CAMK1G: variants seen among roughly 807,000 people sequenced by gnomAD.
The protein encoded by CAMK1G is calcium/calmodulin dependent protein kinase IG.
CAMK1G carries 27 observed loss-of-function variants against 54.8 expected under a neutral mutation model. The ratio of observed to expected loss-of-function variants is 0.49; its 90% CI spans 0.36 to 0.68. The LOEUF (loss-of-function observed/expected upper bound fraction) is 0.68. Ranked by LOEUF, CAMK1G falls within the 30% of genes least tolerant of loss-of-function variation. The probability of loss-of-function intolerance (pLI) is 0.00; values close to 1 mark genes in which losing one functional copy is unlikely to be tolerated. For synonymous variants in CAMK1G, 238 were observed against 224.9 expected (o/e 1.06, Z -0.52); for missense variants, 512 against 591.0 (o/e 0.87, Z 1.39).
intron 1 of CAMK1G, among the ~76,000 whole-genome samples, chr1:209,592,593 C>T (rs1665284278): frequency 6.6e-6 from 1 of 152,182 alleles, no homozygotes; most frequent in Non-Finnish European, 1.5e-5. Context: ...TAAAGCCTCC[C>T]ACCAGCAGGG....
chr1:209,608,802 CA>C (rs1384583882), intron 7 of CAMK1G, among the ~76,000 whole-genome samples, 177 bp from the exon 8 acceptor site: 1 of 152,184 alleles, frequency 6.6e-6, no homozygotes, highest in Non-Finnish European at 1.5e-5. Context: ...CTTGCATAAA[CA>C]CTTTACGGGA....
At chr1:209,607,760 T>C in intron 6 of CAMK1G, 98 bp from the exon 7 acceptor site, 1 of 925,116 alleles carries the variant, frequency 1.1e-6, no homozygotes, top group South Asian at 1.6e-5. Flanking sequence ...CATCCCACAG[T>C]CTTCCCCAGA....
chr1:209,610,183 T>C (rs1217911300), intron 9 of CAMK1G, among the ~76,000 whole-genome samples: 2 of 152,132 alleles, frequency 1.3e-5, no homozygotes, highest in Admixed American at 6.6e-5. Flanking sequence ...AGCGCTGTCA[T>C]TCAGCACTGG....
chr1:209,611,411 T>C, intron 9 of CAMK1G, 54 bp from the exon 10 acceptor site: 1 of 1,547,780 alleles, frequency 6.5e-7, no homozygotes, highest in Non-Finnish European at 8.9e-7. Context: ...GCCCACTCCC[T>C]GGATGAGTGT....
chr1:209,586,429 C>T (rs575556270), intron 1 of CAMK1G, among the ~76,000 whole-genome samples: 10 of 152,134 alleles, frequency 6.6e-5, no homozygotes, highest in Non-Finnish European at 1.3e-4. Context: ...CTATGATGTA[C>T]GAAAAATCAT....
chr1:209,609,763 T>C lies in CAMK1G; in HGVS notation c.749-88T>C, dbSNP rs1019767001. On this transcript the variant is annotated intron_variant, in intron 8 of 12. Transcript: ENST00000361322. ...CTTTGGAAGATCAGCTAAAGATGCA[T>C]TCACTGCCACCCACCAGCCCGGAAG... is the stretch of plus-strand genomic sequence containing the variant. 3 of 1,328,436 alleles carry C rather than the reference T, an allele frequency of 2.3e-6. No individual in the cohort carries two copies. In the African/African-American group the frequency reaches 4.3e-5, roughly 19 times the overall value. 82.3% of individuals were successfully genotyped at this position (1,328,436 alleles called of 1,614,324 possible). A position where few individuals can be genotyped will look rare whatever the true frequency, so the allele number is the denominator to read the frequency against.
intron 1 of CAMK1G, among the ~76,000 whole-genome samples, chr1:209,587,175 A>G (rs1323499092): frequency 6.6e-6 from 1 of 151,946 alleles, no homozygotes; most frequent in Non-Finnish European, 1.5e-5. Flanking sequence ...TGGCAAGCAG[A>G]TGAGCCACTT....
chr1:209,597,541 A>G (rs1183777025), intron 2 of CAMK1G, among the ~76,000 whole-genome samples: 1 of 152,202 alleles, frequency 6.6e-6, no homozygotes, highest in African/African-American at 2.4e-5. Context: ...CAGGTTTCTT[A>G]AGAATGGAAA....
intron 1 of CAMK1G, among the ~76,000 whole-genome samples, chr1:209,585,375 A>G (rs1229670752): frequency 6.6e-6 from 1 of 152,226 alleles, no homozygotes; most frequent in African/African-American, 2.4e-5. Flanking sequence ...TTACAGCATC[A>G]TAAGGATGAA....
chr1:209,593,340 A>G (rs1240802242), intron 1 of CAMK1G, among the ~76,000 whole-genome samples: 1 of 152,204 alleles, frequency 6.6e-6, no homozygotes, highest in East Asian at 1.9e-4. Flanking sequence ...ATTGCCCAAG[A>G]GGGGCAGCTA....
rs938325201 is a variant in CAMK1G, at chr1:209,613,269, T to C, written c.*267T>C. 12 of 229,376 alleles carry C rather than the reference T, an allele frequency of 5.2e-5. No homozygotes were observed. The highest frequency in any genetic ancestry group is 8.1e-5 in the Non-Finnish European group (9 of 111,562). The allele number at this position is 229,376 out of a possible 1,614,324, so 14.2% of individuals were successfully genotyped here. ...GTGCCCACCAGCTTCCAGGTCTCCCTGACCTGCCTGCTCTATGCCCCACAC... is the reference window on the plus strand; with the variant it reads ...GTGCCCACCAGCTTCCAGGTCTCCCCGACCTGCCTGCTCTATGCCCCACAC... On this transcript the variant is annotated 3_prime_UTR_variant, in exon 13 of 13. Coordinates refer to ENST00000361322, the MANE Select transcript of CAMK1G (RefSeq NM_020439.3).
intron 7 of CAMK1G, 139 bp downstream of exon 7, chr1:209,608,072 T>TAC (rs35151738): frequency 0.12 from 67,048 of 557,106 alleles, 1,569 homozygotes; most frequent in African/African-American, 0.13. Context: ...GGCACACGGG[T>TAC]ACACACACAC....
intron 3 of CAMK1G, among the ~76,000 whole-genome samples, chr1:209,601,016 T>C (rs1020110701): frequency 1.3e-5 from 2 of 152,188 alleles, no homozygotes; most frequent in Admixed American, 6.5e-5. Context: ...TGAGACCTGA[T>C]TACAAAGGAT....
At chr1:209,608,714 T>C (rs1276441969) in intron 7 of CAMK1G, among the ~76,000 whole-genome samples, 4 of 152,112 alleles carry the variant, frequency 2.6e-5, no homozygotes, top group Admixed American at 6.5e-5. Flanking sequence ...TCAGGGAAAG[T>C]ATAAGGAGAG....
intron 6 of CAMK1G, 23 bp from the exon 7 acceptor site, chr1:209,607,835 A>C: frequency 6.2e-7 from 1 of 1,606,914 alleles, no homozygotes. Flanking sequence ...ACCAGCCCTG[A>C]CTCTGCCCTT....
At chr1:209,584,017 T>C (rs764829918) in intron 1 of CAMK1G, 2 of 152,246 alleles carry the variant, frequency 1.3e-5, no homozygotes, top group Non-Finnish European at 1.5e-5. Context: ...CTGGCTTTCA[T>C]GGAAGCATTT....
In CAMK1G at chr1:209,613,095, G is replaced by T; in HGVS notation, c.*93G>T. ...ACCTGGTGTCTATCCGGCAGAGGGAGGAAGGCAGAGCAAGTGGAGCAGGGC... is the reference window on the plus strand; with the variant it reads ...ACCTGGTGTCTATCCGGCAGAGGGATGAAGGCAGAGCAAGTGGAGCAGGGC... On this transcript the variant is annotated 3_prime_UTR_variant, in exon 13 of 13. Coordinates refer to ENST00000361322, the MANE Select transcript of CAMK1G (RefSeq NM_020439.3). 1.6e-5 allele frequency: 8 copies of T among 494,332 alleles called. No individual in the cohort carries two copies. In the South Asian group the frequency reaches 1.8e-4, roughly 11 times the overall value. 30.6% of individuals were successfully genotyped at this position (494,332 alleles called of 1,614,324 possible).
intron 3 of CAMK1G, among the ~76,000 whole-genome samples, chr1:209,602,944 G>C (rs1428266194): frequency 6.6e-6 from 1 of 152,180 alleles, no homozygotes; most frequent in Non-Finnish European, 1.5e-5. Flanking sequence ...AAAGTTTAAA[G>C]AGATTCCTGG....
intron 1 of CAMK1G, among the ~76,000 whole-genome samples, chr1:209,586,395 T>C (rs1247358329): frequency 6.6e-6 from 1 of 152,144 alleles, no homozygotes; most frequent in Non-Finnish European, 1.5e-5. Flanking sequence ...GAGTACCAGA[T>C]GAAGTAGTTG....
Sources: allele counts gnomAD v4.1 joint callset (sites outside exome capture counted in the v4.1 genomes callset), GRCh38; gene constraint gnomAD v4.1.1; transcripts MANE v1.5; gene names NCBI Gene and HGNC (gene_info 2026-07-23, HGNC 2026-07-21).